The following KLK6 variants were observed in gnomAD, a reference collection of about 807,000 sequenced individuals.
The protein encoded by KLK6 is kallikrein-6.
In KLK6, 16 loss-of-function variants were observed where a neutral mutation model predicts 21.7. The ratio of observed to expected loss-of-function variants is 0.74; its 90% CI spans 0.50 to 1.12. The LOEUF is 1.12. Ranked by LOEUF, KLK6 falls within the 50% of genes most tolerant of loss-of-function variation. KLK6 has a pLI of 0.00. For missense variants in KLK6, 276 were observed against 304.6 expected (o/e 0.91, Z 0.70); for synonymous variants, 116 against 120.1 (o/e 0.97, Z 0.22).
Position 50,963,514 on chromosome 19 carries a change from CGAAGGTTATGCTTCCCCAG to C in KLK6, c.214_232del (p.Leu72GlyfsTer16). 1 of 1,614,070 alleles carries C rather than the reference CGAAGGTTATGCTTCCCCAG, an allele frequency of 6.2e-7. No homozygotes were observed. The highest frequency in any genetic ancestry group is 8.5e-7 in the Non-Finnish European group (1 of 1,180,024). ...CTGCTCCTGGGAACTCTCCCTTTGC[CGAAGGTTATGCTTCCCCAG>C]GAAGACCTGAAGATTCCTGGGAAGG... is the stretch of plus-strand genomic sequence containing the variant. On this transcript the variant is annotated frameshift_variant, in exon 5 of 7. Transcript: ENST00000310157. LOFTEE classifies it high-confidence loss of function.
At chr19:50,969,262 G>C (rs1310470917) in intron 1 of KLK6, among the ~76,000 whole-genome samples, 2 of 152,110 alleles carry the variant, frequency 1.3e-5, no homozygotes, top group African/African-American at 4.8e-5. Context: ...CTGAGGCAGA[G>C]GAAGTTCTAG....
Position 50,960,184 on chromosome 19 carries a change from TAGGG to T in KLK6, c.583-872_583-869del, listed in dbSNP as rs564180795. 1.4e-4 allele frequency among the ~76,000 whole-genome samples: 20 copies of T among 143,156 alleles called. No homozygotes were observed. The East Asian group carries it at 4.3e-3, about 30-fold the overall frequency. The allele number at this position is 143,156 out of a possible 152,430, so 93.9% of individuals were successfully genotyped here. ...GACGATAAGACCCAGGTGGGAGAGG[TAGGG>T]AGGGCCCAGGGAGAGATATGCCTGG... On this transcript the variant is annotated intron_variant, in intron 6 of 6. Coordinates refer to ENST00000310157, the MANE Select transcript of KLK6 (RefSeq NM_002774.4).
chr19:50,968,634 C>T lies in KLK6; in HGVS notation c.-59-43G>A, dbSNP rs73600182. 0.057 allele frequency: 9,714 copies of T among 169,072 alleles called. 956 individuals carry two copies. The highest frequency in any genetic ancestry group is 0.21 in the African/African-American group (8,725 of 41,866). 10.5% of individuals were successfully genotyped at this position (169,072 alleles called of 1,614,324 possible). ...AGAAAGAGTTAGAAATGCGGGGAGC[C>T]GTGAGGAGAGAAGACACTCAGATGC... On this transcript the variant is annotated intron_variant, in intron 1 of 6. Transcript: ENST00000310157.
intron 4 of KLK6, among the ~76,000 whole-genome samples, chr19:50,964,288 A>T (rs1163451604): frequency 6.6e-6 from 1 of 152,128 alleles, no homozygotes; most frequent in Non-Finnish European, 1.5e-5. Context: ...TGCCCAATTA[A>T]AATACAAATA....
At chr19:50,966,018 T>C (rs1018684273) in intron 4 of KLK6, among the ~76,000 whole-genome samples, 2 of 152,170 alleles carry the variant, frequency 1.3e-5, no homozygotes, top group Non-Finnish European at 2.9e-5. Context: ...GATGATCTCA[T>C]CTAGTCCCAT....
At chr19:50,967,956 TCCCCCA>T in intron 3 of KLK6, 103 bp downstream of exon 3, 6 of 742,444 alleles carry the variant, frequency 8.1e-6, no homozygotes, top group Non-Finnish European at 1.3e-5. Context: ...ATTTCAAAGC[TCCCCCA>T]CCCCAACCCT....
At chr19:50,960,095 ATG>A (rs2090815281) in intron 6 of KLK6, among the ~76,000 whole-genome samples, 9 of 32,248 alleles carry the variant, frequency 2.8e-4, no homozygotes, top group African/African-American at 8.6e-4. Context: ...GGGGAGGAGG[ATG>A]GGGAGGGGGA....
chr19:50,967,533 A>ACACACAC (rs1486020257), intron 3 of KLK6, among the ~76,000 whole-genome samples: 1 of 150,676 alleles, frequency 6.6e-6, no homozygotes, highest in Non-Finnish European at 1.5e-5. Flanking sequence ...ACACACACAC[A>ACACACAC]CACACACACA....
intron 6 of KLK6, among the ~76,000 whole-genome samples, chr19:50,960,053 A>AGAGGAGGGGGGAG (rs2090811222): frequency 1.7e-5 from 1 of 59,404 alleles, no homozygotes; most frequent in Non-Finnish European, 3.2e-5. Flanking sequence ...AGGAGGAGGG[A>AGAGGAGGGGGGAG]GAGGAGGGGG....
intron 4 of KLK6, among the ~76,000 whole-genome samples, chr19:50,965,553 C>T (rs1390820596): frequency 6.6e-6 from 1 of 152,352 alleles, no homozygotes; most frequent in Non-Finnish European, 1.5e-5. Context: ...GCTGGGATTA[C>T]AGGCGTGAGC....
chr19:50,967,901 C>T (rs2090952772), intron 3 of KLK6, among the ~76,000 whole-genome samples, 164 bp downstream of exon 3: 1 of 151,452 alleles, frequency 6.6e-6, no homozygotes, highest in African/African-American at 2.4e-5. Context: ...ACCACCCTCC[C>T]TATCTGTATT....
chr19:50,963,401 C>A lies in KLK6; in HGVS notation c.346G>T (p.Ala116Ser). ...DIMLLRLARP[A>S]KLSELIQPLP... ...GGCTGGATGAGTTCAGAGAGTTTGG[C>A]TGGGCGTGCCAGGCGCAACAGCATG... The change falls in exon 5 of 7, where the codon GCC (alanine) becomes TCC (serine). Residue 116 changes from alanine to serine, a missense_variant. Physicochemically the swap from Ala to Ser is moderately conservative, Grantham distance 99. Transcript: ENST00000310157. The A allele has an allele frequency of 6.2e-7, 1 of 1,614,236 alleles. No individual in the cohort carries two copies. Among genetic ancestry groups the A allele is most frequent in the Non-Finnish European group, 8.5e-7 (1 of 1,180,046 alleles).
Position 50,963,485 on chromosome 19 carries a change from A to C in KLK6, c.262T>G (p.Ser88Ala), listed in dbSNP as rs897525082. The stretch of plus-strand genomic sequence containing the variant: ...GGGTGGATCACAGCCCGGACAACAG[A>C]ACTCTGCTCCTGGGAACTCTCCCTT... ...RQRESSQEQS[S>A]VVRAVIHPDY... The change falls in exon 5 of 7, where the codon TCT (serine) becomes GCT (alanine). Residue 88 changes from serine to alanine, a missense_variant. Coordinates refer to ENST00000310157, the MANE Select transcript of KLK6 (RefSeq NM_002774.4). 2 of 1,614,100 alleles carry C rather than the reference A, an allele frequency of 1.2e-6. No individual in the cohort carries two copies. The highest frequency in any genetic ancestry group is 2.7e-5 in the African/African-American group (2 of 75,004).
intron 4 of KLK6, among the ~76,000 whole-genome samples, chr19:50,966,528 T>C (rs1600097592): frequency 6.6e-6 from 1 of 152,162 alleles, no homozygotes; most frequent in South Asian, 2.1e-4. Context: ...CTGGGTGTGG[T>C]GGTGGCTCAT....
At chr19:50,966,287 T>G (rs1311999518) in intron 4 of KLK6, among the ~76,000 whole-genome samples, 1 of 152,214 alleles carries the variant, frequency 6.6e-6, no homozygotes, top group Non-Finnish European at 1.5e-5. Context: ...CCAGCCGTGC[T>G]TCTTCCTCTC....
intron 3 of KLK6, among the ~76,000 whole-genome samples, 186 bp from the exon 4 acceptor site, chr19:50,967,511 C>CCACACACACACACACA (rs146062864): frequency 0.036 from 4,459 of 125,440 alleles, 128 homozygotes; most frequent in East Asian, 0.044. Context: ...GACCTCATCT[C>CCACACACACACACACA]CACACACACA....
chr19:50,959,513 C>G, intron 6 of KLK6, among the ~76,000 whole-genome samples, 197 bp from the exon 7 acceptor site: 1 of 147,426 alleles, frequency 6.8e-6, no homozygotes, highest in Non-Finnish European at 1.5e-5. Flanking sequence ...CACAAAGGCA[C>G]AGAGAGAGAA....
chr19:50,968,336 C>T (rs2090959603), intron 2 of KLK6: 1 of 605,228 alleles, frequency 1.7e-6, no homozygotes, highest in East Asian at 2.8e-5. Flanking sequence ...ACTACGTCCA[C>T]TGGTCCAGTA....
chr19:50,965,367 C>A (rs1275567284), intron 4 of KLK6, among the ~76,000 whole-genome samples: 2 of 151,962 alleles, frequency 1.3e-5, no homozygotes, highest in East Asian at 1.9e-4. Flanking sequence ...TCACTGCAAC[C>A]TCCGCCTCCC....
Sources: allele counts gnomAD v4.1 joint callset (sites outside exome capture counted in the v4.1 genomes callset), GRCh38; gene constraint gnomAD v4.1.1; transcripts MANE v1.5; gene names NCBI Gene and HGNC (gene_info 2026-07-23, HGNC 2026-07-21).